The following ADAM22 variants were observed in gnomAD, a reference collection of about 807,000 sequenced individuals.
ADAM22 encodes the protein disintegrin and metalloproteinase domain-containing protein 22.
A neutral mutation model predicts 144.6 loss-of-function variants in ADAM22; 65 were observed. The ratio of observed to expected loss-of-function variants is 0.45; its 90% CI spans 0.37 to 0.55. The LOEUF (loss-of-function observed/expected upper bound fraction) is 0.55. Among genes scored for constraint, ADAM22 ranks in the 20% least tolerant of loss-of-function variants. ADAM22 has a pLI of 0.00. For missense variants in ADAM22, 974 were observed against 1,184.9 expected (o/e 0.82, Z 2.61); for synonymous variants, 391 against 412.6 (o/e 0.95, Z 0.63).
chr7:87,975,945 T>C (rs1851805811), intron 2 of ADAM22, among the ~76,000 whole-genome samples: 1 of 152,132 alleles, frequency 6.6e-6, no homozygotes, highest in Non-Finnish European at 1.5e-5. Context: ...CAAAGAGCTT[T>C]AGGTAGAGGG....
At chr7:88,119,303 A>G (rs1422209340) in intron 7 of ADAM22, among the ~76,000 whole-genome samples, 7 of 152,060 alleles carry the variant, frequency 4.6e-5, no homozygotes, top group Non-Finnish European at 8.8e-5. Context: ...CTTCCTTTGT[A>G]CTCTTTGTAG....
intron 3 of ADAM22, among the ~76,000 whole-genome samples, chr7:88,012,217 TTCTC>T (rs769372023): frequency 6.6e-6 from 1 of 152,178 alleles, no homozygotes; most frequent in Admixed American, 6.5e-5. Context: ...CTTAGAATTT[TTCTC>T]TCTCTGCTTA....
chr7:88,174,388 T>C (rs1845115079), intron 26 of ADAM22, among the ~76,000 whole-genome samples: 1 of 150,440 alleles, frequency 6.6e-6, no homozygotes, highest in South Asian at 2.2e-4. Flanking sequence ...TGTCTTATAA[T>C]GGGCAGAATT....
At chr7:88,172,419 A>G (rs1844566933) in intron 26 of ADAM22, among the ~76,000 whole-genome samples, 1 of 151,890 alleles carries the variant, frequency 6.6e-6, no homozygotes, top group African/African-American at 2.4e-5. Flanking sequence ...AATGGTATTT[A>G]GTTCTATACT....
intron 12 of ADAM22, among the ~76,000 whole-genome samples, chr7:88,133,782 T>C (rs991176501): frequency 1.3e-5 from 2 of 152,102 alleles, no homozygotes; most frequent in Admixed American, 1.3e-4. Flanking sequence ...AAAAAGAAAA[T>C]ACTTGCATTT....
intron 11 of ADAM22, 75 bp from the exon 12 acceptor site, chr7:88,132,792 A>G (rs1175797430): frequency 1.7e-6 from 2 of 1,161,452 alleles, no homozygotes; most frequent in Admixed American, 1.8e-5. Flanking sequence ...AAATAAATGT[A>G]GTAAACTAAT....
At position 88,113,116 on chromosome 7, in the gene ADAM22, CCT is replaced by C. The variant is rs1416745859; in HGVS notation, c.474-1465_474-1464del. Among the ~76,000 whole-genome samples the C allele has an allele frequency of 3.7e-5, 5 of 135,800 alleles. No individual in the cohort carries two copies. The East Asian group carries it at 1.3e-3, about 36-fold the overall frequency. 89.1% of individuals were successfully genotyped at this position (135,800 alleles called of 152,430 possible). On this transcript the variant is annotated intron_variant, in intron 5 of 31. Coordinates refer to ENST00000413139, the MANE Select transcript of ADAM22 (RefSeq NM_001324418.2). Reference sequence around the variant, plus strand: ...TTCTTTCTGCATCCCCCCTGCCTGCCCTCTTTTTTTTTTTTTTTTTTTTTTTT... The same window carrying C: ...TTCTTTCTGCATCCCCCCTGCCTGCCCTTTTTTTTTTTTTTTTTTTTTTTT...
At chr7:88,097,781 A>C (rs1232781345) in intron 4 of ADAM22, among the ~76,000 whole-genome samples, 1 of 152,188 alleles carries the variant, frequency 6.6e-6, no homozygotes, top group Non-Finnish European at 1.5e-5. Context: ...TCAACTACAG[A>C]ATAAGGTTTT....
Position 88,178,992 on chromosome 7 carries a change from C to A in ADAM22, c.2358C>A (p.Ser786Arg). The A allele has an allele frequency of 1.2e-6, 2 of 1,613,058 alleles. No individual in the cohort carries two copies. Among genetic ancestry groups the A allele is most frequent in the Non-Finnish European group, 1.7e-6 (2 of 1,179,334 alleles). Residue 786 changes from serine to arginine, a missense_variant, in exon 27 of 32, where the codon AGC becomes AGA. This residue lies in a region of ADAM22 where 734 missense variants were observed against 950.6 expected (regional missense o/e 0.77). Transcript: ENST00000413139. Reference sequence around the variant, plus strand: ...CTGGAGATGGTGACTCTTTTTATAGCGACATTCCTCCCGGAGTCAGCACAA... The same window carrying A: ...CTGGAGATGGTGACTCTTTTTATAGAGACATTCCTCCCGGAGTCAGCACAA... ...KKPGDGDSFY[S>R]DIPPGVSTNS... is the part of the protein sequence containing the mutation.
rs1370351007 is a variant in ADAM22, at chr7:88,037,880, A to G, written c.324-37746A>G. ...TATCTCTTTAAGACTTTCAGTGGGA[A>G]ACTTTGTGCCAATATTCAGAGAGTC... On this transcript the variant is annotated intron_variant, in intron 3 of 31. Coordinates refer to ENST00000413139, the MANE Select transcript of ADAM22 (RefSeq NM_001324418.2). Among the ~76,000 whole-genome samples, 4 of 152,322 alleles carry G rather than the reference A, an allele frequency of 2.6e-5. No homozygotes were observed. The East Asian group carries it at 5.8e-4, about 22-fold the overall frequency.
chr7:88,114,797 T>G, intron 6 of ADAM22, 150 bp downstream of exon 6: 1 of 674,334 alleles, frequency 1.5e-6, no homozygotes, highest in Middle Eastern at 4.1e-4. Flanking sequence ...CAACTTATGA[T>G]GGGTCTATGT....
intron 2 of ADAM22, among the ~76,000 whole-genome samples, chr7:87,953,176 T>C (rs1845707400): frequency 3.3e-5 from 5 of 152,180 alleles, no homozygotes; most frequent in Admixed American, 3.3e-4. Context: ...TTTCTTGCCT[T>C]CTGCTAGCTT....
chr7:88,130,836 T>G (rs1405801440), intron 10 of ADAM22, among the ~76,000 whole-genome samples: 1 of 152,092 alleles, frequency 6.6e-6, no homozygotes, highest in Non-Finnish European at 1.5e-5. Context: ...CCACTATACC[T>G]CCATACTTCC....
chr7:87,992,697 A>G (rs950426138), intron 3 of ADAM22, among the ~76,000 whole-genome samples: 12 of 151,998 alleles, frequency 7.9e-5, no homozygotes, highest in African/African-American at 2.4e-4. Flanking sequence ...AATGCTTTGG[A>G]CTGAAAGTAA....
chr7:88,049,524 G>A (rs531089462), intron 3 of ADAM22, among the ~76,000 whole-genome samples: 49 of 152,124 alleles, frequency 3.2e-4, no homozygotes, highest in Non-Finnish European at 4.9e-4. Context: ...TCAGCCTCCC[G>A]AGTAGCTGGG....
At chr7:88,168,107 A>T (rs1387742295) in intron 24 of ADAM22, 30 bp from the exon 25 acceptor site, 1 of 1,588,468 alleles carries the variant, frequency 6.3e-7, no homozygotes, top group South Asian at 1.1e-5. Context: ...TATACCACTG[A>T]TCTTCCTTCT....
At chr7:88,166,429 G>C (rs1842959350) in intron 24 of ADAM22, among the ~76,000 whole-genome samples, 2 of 152,132 alleles carry the variant, frequency 1.3e-5, no homozygotes, top group African/African-American at 4.8e-5. Context: ...TCCTGGTGGG[G>C]CTTTAAGAAC....
Position 88,165,819 on chromosome 7 carries a change from T to A in ADAM22, c.2077-13T>A. On this transcript the variant is annotated splice_polypyrimidine_tract_variant and intron_variant, in intron 23 of 31. Coordinates refer to ENST00000413139, the MANE Select transcript of ADAM22 (RefSeq NM_001324418.2). Reference sequence around the variant, plus strand: ...AGAGTTGACATTTACTCTAGCTTGATTTTGGATCTCAGGTTTGCAGTAATG... The same window carrying A: ...AGAGTTGACATTTACTCTAGCTTGAATTTGGATCTCAGGTTTGCAGTAATG... 1.1e-5 allele frequency: 17 copies of A among 1,578,178 alleles called. No homozygotes were observed. The highest frequency in any genetic ancestry group is 1.7e-4 in the Middle Eastern group (1 of 5,940).
At chr7:88,190,027 TG>T in intron 30 of ADAM22, among the ~76,000 whole-genome samples, 1 of 152,224 alleles carries the variant, frequency 6.6e-6, no homozygotes, top group Admixed American at 6.5e-5. Flanking sequence ...GAATAAGAGG[TG>T]GACTTGTGTC....
Sources: gnomAD v4.1 joint callset for allele counts (sites outside exome capture counted in the v4.1 genomes callset) on GRCh38, gnomAD v4.1.1 for gene constraint, gnomAD v4.1.1 regional missense constraint, MANE v1.5 for transcripts, NCBI Gene and HGNC (gene_info 2026-07-23, HGNC 2026-07-21) for gene names.